SV2C: variants seen among roughly 807,000 people sequenced by gnomAD.
SV2C encodes the protein solute carrier family 22 member B3.
A neutral mutation model predicts 79.7 loss-of-function variants in SV2C; 49 were observed. That is an observed-to-expected ratio of 0.61 (90% CI 0.49 to 0.78). The LOEUF is 0.78. Ranked by LOEUF, SV2C falls within the 30% of genes least tolerant of loss-of-function variation. The probability of loss-of-function intolerance (pLI) is 0.00; values close to 1 mark genes in which losing one functional copy is unlikely to be tolerated. For synonymous variants in SV2C, 334 were observed against 333.2 expected, an observed-to-expected ratio of 1.00 and a Z score of -0.03; for missense variants, 833 against 912.9, an observed-to-expected ratio of 0.91 and a Z score of 1.13.
At chr5:75,898,193 T>C in the SV2C span, among the ~76,000 whole-genome samples, 1 of 152,214 alleles carries the variant, frequency 6.6e-6, no homozygotes, top group Non-Finnish European at 1.5e-5. Context: ...CAGTAAGATA[T>C]TGGCTGTGGG....
intron 2 of SV2C, chr5:76,170,836 C>G (rs1457553181): frequency 4.4e-6 from 1 of 229,244 alleles, no homozygotes; most frequent in Non-Finnish European, 8.1e-6. Context: ...CCATGGTGGC[C>G]GCGGGTGGTG....
chr5:75,870,635 A>G, the SV2C span, among the ~76,000 whole-genome samples: 18,959 of 152,180 alleles, frequency 0.12, 1,390 homozygotes, highest in African/African-American at 0.22. Context: ...AAACATAGAG[A>G]AAAATATCAA....
At chr5:76,280,767 C>G (rs1747161384) in intron 4 of SV2C, among the ~76,000 whole-genome samples, 1 of 152,198 alleles carries the variant, frequency 6.6e-6, no homozygotes, top group Non-Finnish European at 1.5e-5. Flanking sequence ...GGTCCCCTGG[C>G]CCAGAGCAGG....
chr5:76,076,582 G>C, the SV2C span, among the ~76,000 whole-genome samples: 1 of 152,046 alleles, frequency 6.6e-6, no homozygotes, highest in Non-Finnish European at 1.5e-5. Context: ...GGATGAGGGA[G>C]GGCTCCTCCA....
intron 4 of SV2C, among the ~76,000 whole-genome samples, chr5:76,234,870 C>G (rs2112407724): frequency 6.6e-6 from 1 of 152,234 alleles, no homozygotes; most frequent in East Asian, 1.9e-4. Context: ...CACTGCTCAT[C>G]CTACAGTGAC....
the SV2C span, among the ~76,000 whole-genome samples, chr5:75,871,868 T>TATA: frequency 1.8e-4 from 26 of 145,032 alleles, no homozygotes; most frequent in African/African-American, 6.8e-4. Context: ...CGTATATATA[T>TATA]TTTTATTATT....
At chr5:76,202,410 C>T (rs1166445608) in intron 3 of SV2C, among the ~76,000 whole-genome samples, 1 of 152,138 alleles carries the variant, frequency 6.6e-6, no homozygotes, top group East Asian at 1.9e-4. Context: ...TGAGGTCACA[C>T]AATAAGTAAT....
chr5:75,948,503 T>C, the SV2C span, among the ~76,000 whole-genome samples: 1 of 151,948 alleles, frequency 6.6e-6, no homozygotes, highest in Non-Finnish European at 1.5e-5. Context: ...ATATATGATG[T>C]GTTGGGTGGT....
chr5:76,205,860 G>A (rs139811251), intron 3 of SV2C, among the ~76,000 whole-genome samples: 60 of 152,210 alleles, frequency 3.9e-4, no homozygotes, highest in African/African-American at 1.1e-3. Context: ...GTTTAGCAGC[G>A]TCTCTGGCCT....
At chr5:76,215,024 T>C (rs2112364810) in intron 4 of SV2C, among the ~76,000 whole-genome samples, 1 of 152,344 alleles carries the variant, frequency 6.6e-6, no homozygotes, top group African/African-American at 2.4e-5. Flanking sequence ...TTTTGCCTAA[T>C]TGCTCTGGCT....
chr5:75,902,205 G>A, the SV2C span, among the ~76,000 whole-genome samples: 3,744 of 152,250 alleles, frequency 0.025, 153 homozygotes, highest in African/African-American at 0.086. Flanking sequence ...GCTGTGGACC[G>A]GAGCTGTTCC....
the SV2C span, among the ~76,000 whole-genome samples, chr5:75,980,005 G>A: frequency 1.9e-4 from 29 of 152,130 alleles, no homozygotes; most frequent in Non-Finnish European, 3.7e-4. Flanking sequence ...GACAGAAGAC[G>A]CAAATAAACA....
chr5:76,006,027 C>T, the SV2C span, among the ~76,000 whole-genome samples: 2 of 152,144 alleles, frequency 1.3e-5, no homozygotes, highest in African/African-American at 2.4e-5. Flanking sequence ...ACAGAGACAG[C>T]GTCTGTTTCC....
chr5:76,339,128 A>G (rs536236866), intron 12 of SV2C, among the ~76,000 whole-genome samples: 21 of 152,298 alleles, frequency 1.4e-4, no homozygotes, highest in African/African-American at 5.1e-4. Context: ...CAAAATTACA[A>G]ACACAAAATT....
intron 4 of SV2C, among the ~76,000 whole-genome samples, chr5:76,252,360 A>T (rs113674420): frequency 2.6e-5 from 4 of 152,114 alleles, no homozygotes; most frequent in African/African-American, 7.2e-5. Context: ...ACCTCAGGTG[A>T]TCCTACCCGC....
chr5:76,001,518 C>T, the SV2C span, among the ~76,000 whole-genome samples: 3 of 151,566 alleles, frequency 2.0e-5, no homozygotes, highest in Non-Finnish European at 4.4e-5. Flanking sequence ...AGGAGAATGG[C>T]GTGAACCCGG....
At chr5:75,921,208 A>G in the SV2C span, 13 of 1,079,706 alleles carry the variant, frequency 1.2e-5, no homozygotes, top group African/African-American at 1.7e-4. Context: ...AGGGGCCAGC[A>G]GCCGAGATGT....
the SV2C span, among the ~76,000 whole-genome samples, chr5:76,071,028 C>T: frequency 6.6e-6 from 1 of 152,146 alleles, no homozygotes; most frequent in Non-Finnish European, 1.5e-5. Flanking sequence ...TTAGGGTACC[C>T]ATTAGTGATG....
rs147417369 is a variant in SV2C, at chr5:76,285,614, C to T, written c.1048-167C>T. The stretch of plus-strand genomic sequence containing the variant: ...TTATAACCATATTATTTGAACTGCT[C>T]ATGTATTCAGTGATATCCAAATAGT... On this transcript the variant is annotated intron_variant, in intron 5 of 12. Transcript: ENST00000502798. 1,469 of 628,860 alleles carry T rather than the reference C, an allele frequency of 2.3e-3. 4 individuals carry two copies. Among genetic ancestry groups the T allele is most frequent in the Non-Finnish European group, 3.2e-3 (1,150 of 360,454 alleles). The allele number at this position is 628,860 out of a possible 1,614,324, so 39.0% of individuals were successfully genotyped here.
Sources: gnomAD v4.1 joint callset for allele counts (sites outside exome capture counted in the v4.1 genomes callset) on GRCh38, gnomAD v4.1.1 for gene constraint, MANE v1.5 for transcripts, NCBI Gene and HGNC (gene_info 2026-07-23, HGNC 2026-07-21) for gene names.